Variants in POU2AF1 observed in about 807,000 individuals in gnomAD.
POU2AF1 encodes POU class 2 homeobox associating factor 1, also known as POU domain class 2-associating factor 1.
A neutral mutation model predicts 26.3 loss-of-function variants in POU2AF1; 12 were observed. The observed-to-expected ratio is 0.46, with a 90% CI of 0.29 to 0.74. POU2AF1 has a LOEUF of 0.74. POU2AF1 is among the 30% of genes least tolerant of loss of function. POU2AF1 has a pLI of 0.09. For synonymous variants in POU2AF1, 175 were observed against 148.0 expected, an observed-to-expected ratio of 1.18 and a Z score of -1.32; for missense variants, 297 against 334.5, an observed-to-expected ratio of 0.89 and a Z score of 0.87.
At chr11:111,355,772 C>A (rs576764353) in intron 4 of POU2AF1, among the ~76,000 whole-genome samples, 2 of 152,160 alleles carry the variant, frequency 1.3e-5, no homozygotes, top group African/African-American at 4.8e-5. Flanking sequence ...GTCTCAGAGG[C>A]CTTCCAGCCT....
At chr11:111,358,467 CATACAT>C (rs1860920796) in intron 2 of POU2AF1, among the ~76,000 whole-genome samples, 3 of 150,840 alleles carry the variant, frequency 2.0e-5, no homozygotes, top group East Asian at 1.9e-4. Context: ...CTCTCACACA[CATACAT>C]TCTCACACAC....
rs755509520 is a variant in POU2AF1 at position 111,357,782 on chromosome 11, G to A, written c.190+13C>T. On this transcript the variant is annotated intron_variant, in intron 3 of 4. Coordinates refer to ENST00000393067, the MANE Select transcript of POU2AF1 (RefSeq NM_006235.3). ...GAGGCCTGGGGGCCACCAGGGCTACGGGGCACTCTTACCCACTGTGGTGTA... is the reference window on the plus strand; with the variant it reads ...GAGGCCTGGGGGCCACCAGGGCTACAGGGCACTCTTACCCACTGTGGTGTA... 8 of 1,612,866 alleles carry A rather than the reference G, an allele frequency of 5.0e-6. No homozygotes were observed. The highest frequency in any genetic ancestry group is 1.7e-5 in the Admixed American group (1 of 59,864).
At chr11:111,365,705 G>A (rs1861092010) in intron 1 of POU2AF1, among the ~76,000 whole-genome samples, 1 of 152,100 alleles carries the variant, frequency 6.6e-6, no homozygotes, top group Non-Finnish European at 1.5e-5. Flanking sequence ...TTTCATAGAA[G>A]AATTAGCTGG....
At chr11:111,357,053 T>A (rs1453951293) in intron 4 of POU2AF1, among the ~76,000 whole-genome samples, 1 of 152,158 alleles carries the variant, frequency 6.6e-6, no homozygotes, top group Non-Finnish European at 1.5e-5. Context: ...GAACAATCAC[T>A]CCCTAAGTTA....
rs183334145 is a variant in POU2AF1, at chr11:111,353,647, G to A, written c.*614C>T. The A allele has an allele frequency of 1.2e-4, 27 of 234,236 alleles. No individual in the cohort carries two copies. In the South Asian group the frequency reaches 2.3e-3, roughly 20 times the overall value. 14.5% of individuals were successfully genotyped at this position (234,236 alleles called of 1,614,324 possible). A position where few individuals can be genotyped will look rare whatever the true frequency, so the allele number is the denominator to read the frequency against. On this transcript the variant is annotated 3_prime_UTR_variant, in exon 5 of 5. Transcript: ENST00000393067. ...GCTGACTTTCTCAGGAGGTGCTGTC[G>A]GGGCTGGTCTTCCCGCCGGCCACCA...
chr11:111,372,881 T>C, intron 1 of POU2AF1, among the ~76,000 whole-genome samples: 1 of 152,194 alleles, frequency 6.6e-6, no homozygotes, highest in Non-Finnish European at 1.5e-5. Context: ...GCATGATCTT[T>C]TGCTATTCCT....
intron 2 of POU2AF1, among the ~76,000 whole-genome samples, chr11:111,358,550 ACACT>A (rs201811750): frequency 1.1e-3 from 172 of 151,072 alleles, no homozygotes; most frequent in African/African-American, 3.6e-3. Flanking sequence ...AAACACATAC[ACACT>A]CACATGCATA....
At chr11:111,372,069 CAG>C (rs150182572) in intron 1 of POU2AF1, among the ~76,000 whole-genome samples, 5 of 144,262 alleles carry the variant, frequency 3.5e-5, no homozygotes, top group South Asian at 4.5e-4. Context: ...CACACACACA[CAG>C]AGAGAGAGAG....
chr11:111,374,772 G>T (rs930620413), intron 1 of POU2AF1, among the ~76,000 whole-genome samples: 13 of 152,272 alleles, frequency 8.5e-5, no homozygotes, highest in African/African-American at 1.7e-4. Flanking sequence ...AATAAGCAAA[G>T]GTTGTAACAT....
intron 1 of POU2AF1, among the ~76,000 whole-genome samples, chr11:111,366,933 A>ATCCCACTG (rs1272163589): frequency 1.3e-5 from 2 of 152,168 alleles, no homozygotes; most frequent in East Asian, 3.9e-4. Flanking sequence ...TGAAGTCAAG[A>ATCCCACTG]TCCCACTGAC....
intron 1 of POU2AF1, among the ~76,000 whole-genome samples, chr11:111,369,979 G>C (rs993915521): frequency 3.9e-5 from 6 of 152,154 alleles, no homozygotes; most frequent in African/African-American, 1.4e-4. Context: ...GAGCTTTATT[G>C]AAAAAACTTA....
At chr11:111,368,613 G>C (rs1051236805) in intron 1 of POU2AF1, among the ~76,000 whole-genome samples, 4 of 152,186 alleles carry the variant, frequency 2.6e-5, no homozygotes, top group African/African-American at 9.7e-5. Context: ...CTAAGCGAGG[G>C]CCCTCTTCAA....
At chr11:111,358,599 C>T (rs1057204507) in intron 2 of POU2AF1, among the ~76,000 whole-genome samples, 189 bp downstream of exon 2, 1 of 103,398 alleles carries the variant, frequency 9.7e-6, no homozygotes, top group African/African-American at 2.8e-5. Flanking sequence ...CACACACATA[C>T]ACTCTCACAC....
At chr11:111,364,274 A>G (rs1861064077) in intron 1 of POU2AF1, 1 of 152,328 alleles carries the variant, frequency 6.6e-6, no homozygotes, top group Non-Finnish European at 1.5e-5. Context: ...GCATGTGGAC[A>G]TTTGTGCCTG....
intron 1 of POU2AF1, among the ~76,000 whole-genome samples, chr11:111,370,620 C>T (rs138092774): frequency 0.011 from 1,684 of 152,162 alleles, 40 homozygotes; most frequent in African/African-American, 0.038. Flanking sequence ...CCCCCAAAAC[C>T]GCACGATTTT....
At chr11:111,361,833 G>A (rs950886520) in intron 1 of POU2AF1, among the ~76,000 whole-genome samples, 8 of 152,210 alleles carry the variant, frequency 5.3e-5, no homozygotes, top group African/African-American at 1.9e-4. Flanking sequence ...TTGGCACAGA[G>A]CATTTAATAC....
intron 4 of POU2AF1, among the ~76,000 whole-genome samples, chr11:111,354,885 T>G (rs1860813369): frequency 6.6e-6 from 1 of 152,206 alleles, no homozygotes; most frequent in African/African-American, 2.4e-5. Flanking sequence ...GTTAGGCCAA[T>G]TAGAGAGGAT....
At position 111,357,592 on chromosome 11, in the gene POU2AF1, T is replaced by C; in HGVS notation, c.309A>G (p.Thr103=). Residue 103 remains threonine, a synonymous_variant, in exon 4 of 5, where the codon ACA becomes ACG. Transcript: ENST00000393067. ...CATGGGGCACATACTCGGTGTAAGG[T>C]GTCCATGGGGCCAGGGGCTGCAGGG... is the stretch of plus-strand genomic sequence containing the variant. ...PATLQPLAPW[T]PYTEYVPHEA... 1.9e-6 allele frequency: 3 copies of C among 1,613,860 alleles called. No individual in the cohort carries two copies. The highest frequency in any genetic ancestry group is 1.7e-6 in the Non-Finnish European group (2 of 1,179,920).
intron 1 of POU2AF1, among the ~76,000 whole-genome samples, chr11:111,372,057 C>CAGAGAGAGAGAGAG: frequency 7.0e-6 from 1 of 143,176 alleles, no homozygotes; most frequent in African/African-American, 2.7e-5. Flanking sequence ...CACACACACA[C>CAGAGAGAGAGAGAG]ACACACACAC....
Sources: gnomAD v4.1 joint callset for allele counts (sites outside exome capture counted in the v4.1 genomes callset) on GRCh38, gnomAD v4.1.1 for gene constraint, MANE v1.5 for transcripts, NCBI Gene and HGNC (gene_info 2026-07-23, HGNC 2026-07-21) for gene names.